Variants in CDH18 observed in about 807,000 individuals in gnomAD.
CDH18 encodes cadherin 18.
In CDH18, 31 loss-of-function variants were observed where a neutral mutation model predicts 67.9. The observed-to-expected ratio is 0.46, with a 90% CI of 0.34 to 0.62. The LOEUF is 0.62. CDH18 is among the 20% of genes least tolerant of loss of function. The pLI is 0.01. For missense variants in CDH18, 890 were observed against 975.5 expected, an observed-to-expected ratio of 0.91 and a Z score of 1.17; for synonymous variants, 362 against 347.2, an observed-to-expected ratio of 1.04 and a Z score of -0.48.
chr5:19,584,796 A>AAAAAAAAAAAAAAAAAG (rs1340756682), intron 7 of CDH18, among the ~76,000 whole-genome samples: 1 of 147,930 alleles, frequency 6.8e-6, no homozygotes, highest in African/African-American at 2.5e-5. Flanking sequence ...AAAAATACAA[A>AAAAAAAAAAAAAAAAAG]AAAAAAAAAA....
intron 2 of CDH18, among the ~76,000 whole-genome samples, chr5:20,224,292 T>C (rs67916372): frequency 0.079 from 11,995 of 152,140 alleles, 558 homozygotes; most frequent in East Asian, 0.14. Context: ...TTCATGATAA[T>C]AGAAAACCCT....
At chr5:19,841,571 C>A (rs1411373644) in intron 2 of CDH18, among the ~76,000 whole-genome samples, 109 of 136,940 alleles carry the variant, frequency 8.0e-4, no homozygotes, top group African/African-American at 1.1e-3. Context: ...TCATGAATTT[C>A]AAAAAAAAAA....
At chr5:20,130,596 G>T (rs1374504759) in intron 2 of CDH18, among the ~76,000 whole-genome samples, 2 of 151,910 alleles carry the variant, frequency 1.3e-5, no homozygotes, top group African/African-American at 4.8e-5. Flanking sequence ...GCCATCACAA[G>T]ACGACTGTAG....
At chr5:19,508,583 A>C (rs546019402) in intron 10 of CDH18, among the ~76,000 whole-genome samples, 28 of 152,184 alleles carry the variant, frequency 1.8e-4, no homozygotes, top group African/African-American at 6.7e-4. Flanking sequence ...GAAAAAAAAT[A>C]GACAGTTGCT....
At chr5:20,365,785 G>C (rs1742468153) in intron 1 of CDH18, among the ~76,000 whole-genome samples, 1 of 151,808 alleles carries the variant, frequency 6.6e-6, no homozygotes, top group Non-Finnish European at 1.5e-5. Flanking sequence ...TAATCATCAG[G>C]CTTTTTGGTT....
intron 2 of CDH18, among the ~76,000 whole-genome samples, chr5:20,159,461 T>TA (rs1751808833): frequency 6.6e-6 from 1 of 152,184 alleles, no homozygotes; most frequent in African/African-American, 2.4e-5. Context: ...CCAACATACT[T>TA]ACTCCAACTG....
At chr5:20,225,880 G>GT (rs1423028088) in intron 2 of CDH18, among the ~76,000 whole-genome samples, 1 of 152,050 alleles carries the variant, frequency 6.6e-6, no homozygotes, top group African/African-American at 2.4e-5. Context: ...CTGAAAGTAA[G>GT]TTGATATAGT....
At chr5:19,734,737 G>A (rs570160170) in intron 4 of CDH18, among the ~76,000 whole-genome samples, 2 of 152,138 alleles carry the variant, frequency 1.3e-5, no homozygotes, top group South Asian at 4.2e-4. Context: ...CAGTTTCAAT[G>A]TCTTCAGTGC....
At chr5:19,828,926 T>A (rs1023080852) in intron 3 of CDH18, among the ~76,000 whole-genome samples, 1 of 152,150 alleles carries the variant, frequency 6.6e-6, no homozygotes, top group African/African-American at 2.4e-5. Context: ...TAATCCCAGC[T>A]ACTCAGCAGG....
chr5:20,295,206 T>C (rs1171692829), intron 1 of CDH18, among the ~76,000 whole-genome samples: 1 of 152,192 alleles, frequency 6.6e-6, no homozygotes, highest in East Asian at 1.9e-4. Flanking sequence ...ACCAAGAAGT[T>C]TTGTGATTTT....
chr5:19,739,098 A>G (rs1768749192), intron 4 of CDH18, among the ~76,000 whole-genome samples: 1 of 152,170 alleles, frequency 6.6e-6, no homozygotes, highest in African/African-American at 2.4e-5. Flanking sequence ...CAGATATTGG[A>G]ACAATTATGT....
At chr5:20,314,241 T>A (rs369723929) in intron 1 of CDH18, among the ~76,000 whole-genome samples, 3 of 152,058 alleles carry the variant, frequency 2.0e-5, no homozygotes, top group African/African-American at 7.2e-5. Context: ...GTTTCTGTGT[T>A]AGCTTTGCTA....
At chr5:19,922,123 A>C (rs1049448823) in intron 2 of CDH18, among the ~76,000 whole-genome samples, 14 of 152,200 alleles carry the variant, frequency 9.2e-5, no homozygotes, top group Non-Finnish European at 1.8e-4. Context: ...TTTCTCAGTC[A>C]GTTGTCAAAA....
At chr5:20,185,892 G>A (rs1738061898) in intron 2 of CDH18, among the ~76,000 whole-genome samples, 1 of 151,256 alleles carries the variant, frequency 6.6e-6, no homozygotes, top group African/African-American at 2.4e-5. Context: ...GATGCATAGT[G>A]TCTGGAAGAG....
intron 2 of CDH18, among the ~76,000 whole-genome samples, chr5:19,947,629 C>T (rs917761463): frequency 1.4e-5 from 2 of 147,596 alleles, no homozygotes; most frequent in Admixed American, 6.8e-5. Context: ...CCAGGTGTGG[C>T]GCCTGCGCCT....
At chr5:20,126,768 T>C (rs1019738959) in intron 2 of CDH18, among the ~76,000 whole-genome samples, 3 of 152,220 alleles carry the variant, frequency 2.0e-5, no homozygotes, top group Middle Eastern at 6.8e-3. Flanking sequence ...CAATGAAGCA[T>C]CACCTCATAC....
intron 2 of CDH18, among the ~76,000 whole-genome samples, chr5:20,147,482 A>T (rs1290352977): frequency 6.6e-6 from 1 of 152,176 alleles, no homozygotes. Context: ...TTTAAAAATT[A>T]AAATCTTTTA....
chr5:20,106,948 G>T (rs1238185630), intron 2 of CDH18, among the ~76,000 whole-genome samples: 3 of 152,122 alleles, frequency 2.0e-5, no homozygotes, highest in Admixed American at 6.5e-5. Context: ...ATCAAAAATT[G>T]TTGTGTGCCT....
In CDH18 at chr5:20,216,761, C is replaced by CAAAACAA. The variant is rs556938230; in HGVS notation, c.-518+38676_-518+38682dup. On this transcript the variant is annotated intron_variant, in intron 2 of 14. Transcript: ENST00000507958. ...GCAGCAGAAGCATCAAGAGCAACGACAAAACAAAAGAAAACTGTAGAACAA... is the reference window on the plus strand; with the variant it reads ...GCAGCAGAAGCATCAAGAGCAACGACAAAACAAAAAACAAAAGAAAACTGTAGAACAA... Among the ~76,000 whole-genome samples the CAAAACAA allele has an allele frequency of 5.9e-4, 89 of 151,876 alleles. No individual in the cohort carries two copies. In the South Asian group the frequency reaches 0.016, roughly 28 times the overall value.
Sources: gnomAD v4.1 joint callset for allele counts (sites outside exome capture counted in the v4.1 genomes callset) on GRCh38, gnomAD v4.1.1 for gene constraint, MANE v1.5 for transcripts, NCBI Gene and HGNC (gene_info 2026-07-23, HGNC 2026-07-21) for gene names.